CTBP2: variants seen among roughly 807,000 people sequenced by gnomAD.
CTBP2 encodes C-terminal binding protein 2.
CTBP2 carries 30 observed loss-of-function variants against 80.3 expected under a neutral mutation model. The ratio of observed to expected loss-of-function variants is 0.37; its 90% CI spans 0.28 to 0.51. The LOEUF (loss-of-function observed/expected upper bound fraction) is 0.51. CTBP2 is among the 20% of genes least tolerant of loss of function. The pLI is 0.93. For missense variants in CTBP2, 1,212 were observed against 1,375.3 expected, an observed-to-expected ratio of 0.88 and a Z score of 1.88; for synonymous variants, 594 against 587.4, an observed-to-expected ratio of 1.01 and a Z score of -0.16.
In CTBP2 at chr10:124,994,606, C is replaced by T; in HGVS notation, c.2263G>A (p.Asp755Asn). 6.2e-7 allele frequency: 1 copy of T among 1,614,114 alleles called. No homozygotes were observed. The highest frequency in any genetic ancestry group is 8.5e-7 in the Non-Finnish European group (1 of 1,179,948). The change falls in exon 5 of 9, where the codon GAT (aspartate) becomes AAT (asparagine). Residue 755 changes from aspartate (D) to asparagine (N), a missense_variant. By Grantham distance (23) the Asp-to-Asn change is conservative. Around this residue, in one of 3 missense-constraint regions of CTBP2, gnomAD observed 335 missense variants for 504.7 expected, o/e 0.66. Coordinates refer to ENST00000309035, the MANE Select transcript of CTBP2 (RefSeq NM_022802.3). ...ACGCCCAGGGACCGCTCGATCCCAT[C>T]CTGCAAGTAGGGGTCATAAAATATG... is the stretch of plus-strand genomic sequence containing the variant.
chr10:125,078,346 A>C (rs1030245693), intron 2 of CTBP2, among the ~76,000 whole-genome samples: 1 of 149,758 alleles, frequency 6.7e-6, no homozygotes, highest in African/African-American at 2.5e-5. Flanking sequence ...TCAACAGAGG[A>C]GGGAGGTTCT....
chr10:125,028,767 A>G (rs1355825174), upstream of CTBP2, among the ~76,000 whole-genome samples: 1 of 152,242 alleles, frequency 6.6e-6, no homozygotes, highest in Non-Finnish European at 1.5e-5. Flanking sequence ...CTGCATCTGA[A>G]TATCTCATCT....
intron 1 of CTBP2, among the ~76,000 whole-genome samples, chr10:125,021,203 G>A (rs533790680): frequency 1.3e-5 from 2 of 152,170 alleles, no homozygotes; most frequent in African/African-American, 2.4e-5. Flanking sequence ...GCCATTCCCC[G>A]CTGAGGCCAG....
chr10:125,027,662 C>T lies in CTBP2; in HGVS notation c.98G>A (p.Arg33Gln), dbSNP rs775907858. 1.4e-5 allele frequency: 22 copies of T among 1,613,920 alleles called. No individual in the cohort carries two copies. The Middle Eastern group carries it at 6.6e-4, about 48-fold the overall frequency. The change falls in exon 1 of 9, where the codon CGG becomes CAG. Residue 33 changes from arginine to glutamine, a missense_variant. By Grantham distance (43) the Arg-to-Gln change is conservative. This residue lies in a region of CTBP2 where 848 missense variants were observed against 782.3 expected (regional missense o/e 1.08). Coordinates refer to ENST00000309035, the MANE Select transcript of CTBP2 (RefSeq NM_022802.3). Reference sequence around the variant, plus strand: ...CAGGGAGCTTCTCCTCCCCAGAGGCCGCAGGGACTCGGCGTTCTCCCAGGG... The same window carrying T: ...CAGGGAGCTTCTCCTCCCCAGAGGCTGCAGGGACTCGGCGTTCTCCCAGGG...
At chr10:125,053,571 T>A (rs1963255379) in intron 2 of CTBP2, among the ~76,000 whole-genome samples, 3 of 152,116 alleles carry the variant, frequency 2.0e-5, no homozygotes, top group African/African-American at 7.2e-5. Flanking sequence ...ATCAACAGGC[T>A]CAGCTCAAGA....
In CTBP2 at chr10:124,987,520, T is replaced by C. The variant is rs1589863157; in HGVS notation, c.*1998A>G. On this transcript the variant is annotated 3_prime_UTR_variant, in exon 9 of 9. Coordinates refer to ENST00000309035, the MANE Select transcript of CTBP2 (RefSeq NM_022802.3). ...ATTCGTGAAGGTAAGATATTCTGTG[T>C]GCGCTTGGCCTCCTTTTCACGCATA... The C allele has an allele frequency of 1.3e-5, 2 of 152,350 alleles. No individual in the cohort carries two copies. Among genetic ancestry groups the C allele is most frequent in the East Asian group, 3.9e-4 (2 of 5,184 alleles). The allele number at this position is 152,350 out of a possible 1,614,324, so 9.4% of individuals were successfully genotyped here. A position where few individuals can be genotyped will look rare whatever the true frequency, so the allele number is the denominator to read the frequency against.
In CTBP2 at chr10:125,048,618, C is replaced by T. The variant is rs906950899; in HGVS notation, c.-101-9463G>A. Among the ~76,000 whole-genome samples, 5 of 152,256 alleles carry T rather than the reference C, an allele frequency of 3.3e-5. No individual in the cohort carries two copies. In the South Asian group the frequency reaches 1.0e-3, roughly 32 times the overall value. On this transcript the variant is annotated intron_variant, in intron 2 of 10. Transcript: ENST00000337195. The stretch of plus-strand genomic sequence containing the variant: ...GGCCAAGAAGGAGGGAGGCTCCCTG[C>T]CCAGGGTGTGGAGTCCCCGACCCCA...
chr10:125,130,856 G>C (rs1856051825), intron 1 of CTBP2, among the ~76,000 whole-genome samples: 1 of 152,140 alleles, frequency 6.6e-6, no homozygotes, highest in South Asian at 2.1e-4. Flanking sequence ...TCATTTTAGA[G>C]GGAGGCACCC....
chr10:124,984,737 G>C lies in CTBP2; in HGVS notation c.*4781C>G, dbSNP rs1406326659. 1.3e-6 allele frequency: 2 copies of C among 1,598,308 alleles called. No homozygotes were observed. The highest frequency in any genetic ancestry group is 2.2e-5 in the East Asian group (1 of 44,718). On this transcript the variant is annotated 3_prime_UTR_variant, in exon 9 of 9. Transcript: ENST00000309035. ...ATTCCTACCAAGTCTCTGATCTGTT[G>C]TATGATTTTCCCTTTGTCTTCATAT... is the stretch of plus-strand genomic sequence containing the variant.
At chr10:125,122,669 G>A (rs1215769587) in intron 1 of CTBP2, 1 of 152,196 alleles carries the variant, frequency 6.6e-6, no homozygotes, top group South Asian at 2.1e-4. Context: ...GGTGAAGGGG[G>A]TTCTTCCACT....
rs371252442 is a variant in CTBP2, at chr10:125,027,230, C to T, written c.530G>A (p.Arg177Gln). ...AGATGCAGCCCTGCTCTGTGTCTGCCGCCCCTGAGGGATCATTTTACCTCC... is the reference window on the plus strand; with the variant it reads ...AGATGCAGCCCTGCTCTGTGTCTGCTGCCCCTGAGGGATCATTTTACCTCC... The change falls in exon 1 of 9, where the codon CGG becomes CAG. Residue 177 changes from arginine (R) to glutamine (Q), a missense_variant. Arg to Gln is a conservative substitution (Grantham distance 43). Transcript: ENST00000309035. The T allele has an allele frequency of 6.4e-5, 103 of 1,613,322 alleles. No individual in the cohort carries two copies. The highest frequency in any genetic ancestry group is 7.3e-5 in the Non-Finnish European group (86 of 1,179,806).
At position 124,993,935 on chromosome 10, in the gene CTBP2, G is replaced by A. The variant is rs148275243; in HGVS notation, c.2451C>T (p.Asp817=). 1.1e-4 allele frequency: 181 copies of A among 1,614,046 alleles called. No individual in the cohort carries two copies. The highest frequency in any genetic ancestry group is 1.4e-4 in the Non-Finnish European group (171 of 1,180,044). The stretch of plus-strand genomic sequence containing the variant: ...TGAGGGCTTGTGCTAAGGCTTTCTC[G>A]TCCACCAGGCCGCCACGGGCTGCGT... The change falls in exon 6 of 9, where the codon GAC becomes GAT. Residue 817 remains aspartate, a synonymous_variant. Coordinates refer to ENST00000309035, the MANE Select transcript of CTBP2 (RefSeq NM_022802.3).
At chr10:124,993,428 T>A in intron 6 of CTBP2, 99 bp from the exon 9 acceptor site, 1 of 1,322,664 alleles carries the variant, frequency 7.6e-7, no homozygotes, top group Non-Finnish European at 1.0e-6. Flanking sequence ...GAAAAGTAGC[T>A]ACATAGATAG....
intron 2 of CTBP2, among the ~76,000 whole-genome samples, chr10:125,106,589 C>T (rs1300653194): frequency 2.0e-5 from 3 of 152,214 alleles, no homozygotes; most frequent in Non-Finnish European, 2.9e-5. Context: ...CCCAGCATAA[C>T]GTCACTCAGT....
At chr10:125,159,359 G>A (rs1861529866) in intron 1 of CTBP2, among the ~76,000 whole-genome samples, 1 of 147,344 alleles carries the variant, frequency 6.8e-6, no homozygotes. Flanking sequence ...CGGGCGAGGA[G>A]GAAGTGGTGC....
Position 125,027,858 on chromosome 10 carries a change from T to A in CTBP2, c.-99A>T. 1.4e-6 allele frequency: 2 copies of A among 1,427,550 alleles called. No homozygotes were observed. Among genetic ancestry groups the A allele is most frequent in the Non-Finnish European group, 9.1e-7 (1 of 1,094,346 alleles). The allele number at this position is 1,427,550 out of a possible 1,614,324, so 88.4% of individuals were successfully genotyped here. A position where few individuals can be genotyped will look rare whatever the true frequency, so the allele number is the denominator to read the frequency against. ...ACAGACCTGGCTGTGTGCTAACCCT[T>A]CCGAGACGGCAGGGACAACCAACTG... On this transcript the variant is annotated 5_prime_UTR_variant, in exon 1 of 9. Coordinates refer to ENST00000309035, the MANE Select transcript of CTBP2 (RefSeq NM_022802.3).
intron 4 of CTBP2, chr10:124,997,472 C>CT (rs1396937304): frequency 6.0e-6 from 1 of 166,702 alleles, no homozygotes. Context: ...CTGCCCCTCT[C>CT]TCAGGAGAGC....
chr10:125,024,570 G>A (rs145292679), intron 1 of CTBP2, among the ~76,000 whole-genome samples: 2 of 152,344 alleles, frequency 1.3e-5, no homozygotes, highest in South Asian at 2.1e-4. Flanking sequence ...TCCTCCTTCG[G>A]CAAAACCTTT....
intron 1 of CTBP2, among the ~76,000 whole-genome samples, chr10:125,022,428 T>C (rs192345468): frequency 2.5e-3 from 375 of 152,062 alleles, no homozygotes; most frequent in Middle Eastern, 6.8e-3. Context: ...GCCTGGCACA[T>C]AGCAGGGGAC....
Sources: gnomAD v4.1 joint callset for allele counts (sites outside exome capture counted in the v4.1 genomes callset) on GRCh38, gnomAD v4.1.1 for gene constraint, gnomAD v4.1.1 regional missense constraint, MANE v1.5 for transcripts, NCBI Gene and HGNC (gene_info 2026-07-23, HGNC 2026-07-21) for gene names.